CTNNA3: variants seen among roughly 807,000 people sequenced by gnomAD.
The protein encoded by CTNNA3 is catenin alpha-3.
Under a neutral mutation model 95.7 loss-of-function variants are expected in CTNNA3, and 76 were observed. The ratio of observed to expected loss-of-function variants is 0.79; its 90% CI spans 0.66 to 0.96. The LOEUF (loss-of-function observed/expected upper bound fraction) is 0.96. Ranked by LOEUF, CTNNA3 falls within the 40% of genes least tolerant of loss-of-function variation. The pLI, the probability that CTNNA3 is intolerant of heterozygous loss-of-function variation, is 0.00. For synonymous variants in CTNNA3, 431 were observed against 374.4 expected (o/e 1.15, Z -1.74); for missense variants, 1,191 against 1,089.8 (o/e 1.09, Z -1.31).
At chr10:66,444,786 C>G (rs2093405733) in intron 11 of CTNNA3, among the ~76,000 whole-genome samples, 2 of 152,134 alleles carry the variant, frequency 1.3e-5, no homozygotes, top group Admixed American at 6.6e-5. Flanking sequence ...AAATAACCAG[C>G]TAACATCATA....
chr10:66,231,253 C>G (rs956476176), intron 13 of CTNNA3, among the ~76,000 whole-genome samples: 1 of 152,124 alleles, frequency 6.6e-6, no homozygotes, highest in African/African-American at 2.4e-5. Flanking sequence ...GAAAGCTCCT[C>G]TTGGCTTGCA....
chr10:67,503,744 A>G (rs577494876), intron 5 of CTNNA3, among the ~76,000 whole-genome samples: 1 of 152,328 alleles, frequency 6.6e-6, no homozygotes, highest in South Asian at 2.1e-4. Context: ...TCTCAACTTT[A>G]GTCTTCTCTC....
chr10:66,446,264 A>G (rs868304534), intron 11 of CTNNA3, among the ~76,000 whole-genome samples: 3 of 152,218 alleles, frequency 2.0e-5, no homozygotes, highest in Admixed American at 2.0e-4. Context: ...AGCTGGTACC[A>G]TTCCTTCTGA....
chr10:66,365,401 G>A (rs941949489), intron 12 of CTNNA3, among the ~76,000 whole-genome samples: 1 of 152,136 alleles, frequency 6.6e-6, no homozygotes, highest in African/African-American at 2.4e-5. Context: ...GGGGGGACTA[G>A]GGGAGGGATA....
intron 12 of CTNNA3, among the ~76,000 whole-genome samples, chr10:66,350,374 G>C (rs2092557507): frequency 6.6e-6 from 1 of 152,088 alleles, no homozygotes; most frequent in African/African-American, 2.4e-5. Flanking sequence ...GAGAAATTTT[G>C]ATTATACTTT....
At chr10:66,133,907 A>G (rs1352138896) in intron 13 of CTNNA3, among the ~76,000 whole-genome samples, 1 of 152,188 alleles carries the variant, frequency 6.6e-6, no homozygotes, top group African/African-American at 2.4e-5. Context: ...AACTTAATAG[A>G]AAAGTAACAT....
intron 10 of CTNNA3, among the ~76,000 whole-genome samples, chr10:66,571,603 G>C (rs1842869299): frequency 6.6e-6 from 1 of 151,968 alleles, no homozygotes; most frequent in South Asian, 2.1e-4. Flanking sequence ...AAGTCTTTTG[G>C]GTTCAAGGTA....
chr10:67,496,001 G>A (rs1839010812), intron 5 of CTNNA3, among the ~76,000 whole-genome samples: 1 of 152,060 alleles, frequency 6.6e-6, no homozygotes, highest in Non-Finnish European at 1.5e-5. Flanking sequence ...ATATTCACAT[G>A]CTCTAAAAGT....
chr10:66,251,390 G>T (rs911203874), intron 13 of CTNNA3, among the ~76,000 whole-genome samples: 1 of 151,944 alleles, frequency 6.6e-6, no homozygotes, highest in East Asian at 1.9e-4. Flanking sequence ...TGGTGATTTT[G>T]CTTTGTTAGG....
At chr10:66,682,380 G>T (rs1184391138) in intron 9 of CTNNA3, among the ~76,000 whole-genome samples, 3 of 152,076 alleles carry the variant, frequency 2.0e-5, no homozygotes, top group Non-Finnish European at 2.9e-5. Context: ...AAATCTTGTT[G>T]TATAAGAATT....
In CTNNA3 at chr10:66,572,941, G is replaced by A. The variant is rs61743099; in HGVS notation, c.1374+48751C>T. On this transcript the variant is annotated intron_variant, in intron 10 of 17. Coordinates refer to ENST00000433211, the MANE Select transcript of CTNNA3 (RefSeq NM_013266.4). ...CTAACCTGCCATCTGCTTATCAGAT[G>A]TTCGGAGTCCAAATTGTACAGTTTT... 9.2e-3 allele frequency among the ~76,000 whole-genome samples: 1,405 copies of A among 152,234 alleles called. 10 individuals carry two copies. The highest frequency in any genetic ancestry group is 0.02 in the Middle Eastern group (6 of 294).
At chr10:67,649,498 C>T (rs867914062) in intron 1 of CTNNA3, among the ~76,000 whole-genome samples, 10 of 152,092 alleles carry the variant, frequency 6.6e-5, no homozygotes, top group African/African-American at 1.2e-4. Flanking sequence ...ATGTCTTTAA[C>T]ACAAATTAAG....
intron 1 of CTNNA3, among the ~76,000 whole-genome samples, chr10:67,676,972 A>G (rs542694330): frequency 6.6e-6 from 1 of 152,232 alleles, no homozygotes; most frequent in Non-Finnish European, 1.5e-5. Context: ...TTTAGTCAGT[A>G]CTAATTTGAT....
intron 7 of CTNNA3, among the ~76,000 whole-genome samples, chr10:67,048,236 T>C (rs1564853967): frequency 6.6e-6 from 1 of 152,202 alleles, no homozygotes; most frequent in East Asian, 1.9e-4. Context: ...AAAAATCATT[T>C]ATATAAACGA....
At chr10:67,078,679 G>A (rs1294810852) in intron 7 of CTNNA3, among the ~76,000 whole-genome samples, 1 of 151,946 alleles carries the variant, frequency 6.6e-6, no homozygotes, top group Non-Finnish European at 1.5e-5. Context: ...ACCACACCTG[G>A]CTAATTCTTT....
rs546179727 is a variant in CTNNA3 at position 66,409,091 on chromosome 10, T to C, written c.1532-29739A>G. Among the ~76,000 whole-genome samples the C allele has an allele frequency of 2.6e-5, 4 of 152,310 alleles. No individual in the cohort carries two copies. The East Asian group carries it at 7.7e-4, about 29-fold the overall frequency. ...CAAGTCCACTTCTATTGACATTTTC[T>C]GGGTATTCTACATATCTCTCATATT... On this transcript the variant is annotated intron_variant, in intron 11 of 17. Coordinates refer to ENST00000433211, the MANE Select transcript of CTNNA3 (RefSeq NM_013266.4).
chr10:67,338,411 C>T (rs1175347501), intron 5 of CTNNA3, among the ~76,000 whole-genome samples: 1 of 152,082 alleles, frequency 6.6e-6, no homozygotes, highest in Non-Finnish European at 1.5e-5. Context: ...AGGGACCTGC[C>T]CCCATGATCC....
intron 7 of CTNNA3, among the ~76,000 whole-genome samples, chr10:66,910,502 T>A (rs896545197): frequency 6.6e-6 from 1 of 152,070 alleles, no homozygotes; most frequent in Non-Finnish European, 1.5e-5. Flanking sequence ...ACCTATAAGA[T>A]GGCATGGAAA....
At chr10:66,009,860 C>T (rs113526387) in intron 15 of CTNNA3, among the ~76,000 whole-genome samples, 1 of 152,314 alleles carries the variant, frequency 6.6e-6, no homozygotes, top group Non-Finnish European at 1.5e-5. Flanking sequence ...GAGAGACTAG[C>T]CATGGTCTTA....
Sources: gnomAD v4.1 joint callset for allele counts (sites outside exome capture counted in the v4.1 genomes callset) on GRCh38, gnomAD v4.1.1 for gene constraint, MANE v1.5 for transcripts, NCBI Gene and HGNC (gene_info 2026-07-23, HGNC 2026-07-21) for gene names.